The following IFNAR1 variants were observed in gnomAD, a reference collection of about 807,000 sequenced individuals.
IFNAR1 encodes the protein interferon alpha and beta receptor subunit 1, also known as interferon alpha/beta receptor 1.
In IFNAR1, 47 loss-of-function variants were observed where a neutral mutation model predicts 62.1. The observed-to-expected ratio is 0.76, with a 90% CI of 0.60 to 0.97. The LOEUF (loss-of-function observed/expected upper bound fraction) is 0.97. IFNAR1 is among the 50% of genes least tolerant of loss of function. The probability of loss-of-function intolerance (pLI) is 0.00; values close to 1 mark genes in which losing one functional copy is unlikely to be tolerated. For synonymous variants in IFNAR1, 219 were observed against 226.9 expected, an observed-to-expected ratio of 0.97 and a Z score of 0.31; for missense variants, 638 against 654.5, an observed-to-expected ratio of 0.97 and a Z score of 0.27.
chr21:33,353,870 T>C (rs2083423500), intron 10 of IFNAR1, 87 bp downstream of exon 10: 2 of 869,240 alleles, frequency 2.3e-6, no homozygotes, highest in South Asian at 3.3e-5. Context: ...GTAGGTTTTC[T>C]TGATATCCAG....
At chr21:33,329,815 A>C (rs2083159088) in intron 1 of IFNAR1, among the ~76,000 whole-genome samples, 1 of 152,228 alleles carries the variant, frequency 6.6e-6, no homozygotes, top group Admixed American at 6.5e-5. Context: ...TTCTGCCCTT[A>C]AGGAACTTGC....
rs369150603 is a variant in IFNAR1 at position 33,349,440 on chromosome 21, A to G, written c.1040A>G (p.His347Arg). 5 of 1,611,142 alleles carry G rather than the reference A, an allele frequency of 3.1e-6. No homozygotes were observed. Among genetic ancestry groups the G allele is most frequent in the African/African-American group, 2.7e-5 (2 of 74,920 alleles). The change falls in exon 8 of 11, where the codon CAT becomes CGT. Residue 347 changes from histidine (H) to arginine (R), a missense_variant. Physicochemically the swap from His to Arg is conservative, Grantham distance 29. Coordinates refer to ENST00000270139, the MANE Select transcript of IFNAR1 (RefSeq NM_000629.3). ...ATTAGATCCCTTAGTGATTCATTCC[A>G]TATCTATATCGGTGCTCCAAAACAG... Reference protein sequence around the residue: ...FNIRSLSDSFHIYIGAPKQSG... With the variant: ...FNIRSLSDSFRIYIGAPKQSG...
At chr21:33,350,600 T>C (rs969623413) in intron 8 of IFNAR1, among the ~76,000 whole-genome samples, 2 of 152,196 alleles carry the variant, frequency 1.3e-5, no homozygotes, top group African/African-American at 4.8e-5. Flanking sequence ...TCAGATAATA[T>C]ACGTGTTTCC....
chr21:33,334,242 A>G (rs2083211378), intron 1 of IFNAR1, among the ~76,000 whole-genome samples: 1 of 152,204 alleles, frequency 6.6e-6, no homozygotes, highest in South Asian at 2.1e-4. Flanking sequence ...TGGGGACTTC[A>G]GCACCCCACT....
At chr21:33,351,276 T>G (rs1018404059) in intron 8 of IFNAR1, among the ~76,000 whole-genome samples, 1 of 152,214 alleles carries the variant, frequency 6.6e-6, no homozygotes, top group Non-Finnish European at 1.5e-5. Context: ...GGAGCCCAAG[T>G]AGATGTGCTG....
Position 33,355,585 on chromosome 21 carries a change from GCAGGAGTTACA to G in IFNAR1, c.*38_*48del. ...ACTGTGTCAAGTATAAGGTTTTTCA[GCAGGAGTTACA>G]CTGGGAGCCTGAGGTCCTCACCTTC... On this transcript the variant is annotated 3_prime_UTR_variant, in exon 11 of 11. Coordinates refer to ENST00000270139, the MANE Select transcript of IFNAR1 (RefSeq NM_000629.3). The G allele has an allele frequency of 8.2e-7, 1 of 1,215,964 alleles. No individual in the cohort carries two copies. Among genetic ancestry groups the G allele is most frequent in the Non-Finnish European group, 1.2e-6 (1 of 863,628 alleles). 75.3% of individuals were successfully genotyped at this position (1,215,964 alleles called of 1,614,324 possible). A position where few individuals can be genotyped will look rare whatever the true frequency, so the allele number is the denominator to read the frequency against.
At chr21:33,355,269 ATTATT>A in intron 10 of IFNAR1, 42 bp from the exon 11 acceptor site, 1 of 941,032 alleles carries the variant, frequency 1.1e-6, no homozygotes, top group Non-Finnish European at 1.6e-6. Context: ...AGGAATTTTT[ATTATT>A]TTAAATAATT....
chr21:33,354,572 TCA>T (rs2083430632), intron 10 of IFNAR1, among the ~76,000 whole-genome samples: 1 of 152,178 alleles, frequency 6.6e-6, no homozygotes, highest in Non-Finnish European at 1.5e-5. Flanking sequence ...ATGACACACA[TCA>T]CAGTTTTTTG....
intron 10 of IFNAR1, among the ~76,000 whole-genome samples, chr21:33,355,077 T>C (rs1241952491): frequency 2.0e-5 from 3 of 152,112 alleles, no homozygotes; most frequent in East Asian, 3.9e-4. Flanking sequence ...ACAGTGTACC[T>C]TTCTTAGGTA....
chr21:33,349,596 G>A (rs2083382145), intron 8 of IFNAR1, 53 bp downstream of exon 8: 1 of 1,317,824 alleles, frequency 7.6e-7, no homozygotes, highest in African/African-American at 1.5e-5. Flanking sequence ...ATTATGATTT[G>A]GGTAAATAAA....
chr21:33,355,550 C>T lies in IFNAR1; in HGVS notation c.*1C>T, dbSNP rs764504109. ...AGAACTACAGCAGGACTTTGTATGACCAGAAATGAACTGTGTCAAGTATAA... is the reference window on the plus strand; with the variant it reads ...AGAACTACAGCAGGACTTTGTATGATCAGAAATGAACTGTGTCAAGTATAA... On this transcript the variant is annotated 3_prime_UTR_variant, in exon 11 of 11. Transcript: ENST00000270139. 1 of 1,521,922 alleles carries T rather than the reference C, an allele frequency of 6.6e-7. No individual in the cohort carries two copies. Among genetic ancestry groups the T allele is most frequent in the Non-Finnish European group, 9.0e-7 (1 of 1,113,768 alleles). 94.3% of individuals were successfully genotyped at this position (1,521,922 alleles called of 1,614,324 possible).
chr21:33,328,200 G>A (rs1012943), intron 1 of IFNAR1, among the ~76,000 whole-genome samples: 114,977 of 152,080 alleles, frequency 0.76, 43,605 homozygotes, highest in African/African-American at 0.8. Context: ...TGTTCTTCCA[G>A]TGTGGCCCAC....
chr21:33,325,198 C>T (rs949603165), intron 1 of IFNAR1, 67 bp downstream of exon 1: 99 of 1,384,090 alleles, frequency 7.2e-5, no homozygotes, highest in African/African-American at 1.6e-4. Flanking sequence ...GCTACGGGGG[C>T]GGCGATGCTG....
At chr21:33,333,976 G>A (rs928043955) in intron 1 of IFNAR1, among the ~76,000 whole-genome samples, 1 of 152,082 alleles carries the variant, frequency 6.6e-6, no homozygotes. Flanking sequence ...AAATTGAAGG[G>A]ATGGAAAAAG....
At chr21:33,344,256 A>C (rs2083323140) in intron 5 of IFNAR1, among the ~76,000 whole-genome samples, 6 of 152,230 alleles carry the variant, frequency 3.9e-5, no homozygotes, top group Admixed American at 2.0e-4. Flanking sequence ...TGAGTTCTGC[A>C]AGTGGGAAGA....
At chr21:33,328,751 T>TA (rs1421865425) in intron 1 of IFNAR1, among the ~76,000 whole-genome samples, 1 of 152,118 alleles carries the variant, frequency 6.6e-6, no homozygotes, top group African/African-American at 2.4e-5. Context: ...ATGTCAGACT[T>TA]AAAGATATAG....
In IFNAR1 at chr21:33,355,310, A is replaced by G; in HGVS notation, c.1441-6A>G. 1 of 1,366,356 alleles carries G rather than the reference A, an allele frequency of 7.3e-7. No homozygotes were observed. The highest frequency in any genetic ancestry group is 1.0e-6 in the Non-Finnish European group (1 of 994,352). The allele number at this position is 1,366,356 out of a possible 1,614,324, so 84.6% of individuals were successfully genotyped here. On this transcript the variant is annotated splice_polypyrimidine_tract_variant and splice_region_variant and intron_variant, in intron 10 of 10. Coordinates refer to ENST00000270139, the MANE Select transcript of IFNAR1 (RefSeq NM_000629.3). The stretch of plus-strand genomic sequence containing the variant: ...GATTTCTACTCTTTCCCTTTTTTTA[A>G]ATTAGTATTTCTCTGAACAGCCATT...
intron 1 of IFNAR1, among the ~76,000 whole-genome samples, chr21:33,327,675 C>T (rs978826774): frequency 2.0e-5 from 3 of 152,124 alleles, no homozygotes; most frequent in African/African-American, 7.2e-5. Context: ...TATCTGAGAC[C>T]GGTCTGAAAT....
In IFNAR1 at chr21:33,355,526, G is replaced by A; in HGVS notation, c.1651G>A (p.Glu551Lys). The A allele has an allele frequency of 6.3e-7, 1 of 1,592,942 alleles. No individual in the cohort carries two copies. Among genetic ancestry groups the A allele is most frequent in the Non-Finnish European group, 8.5e-7 (1 of 1,169,590 alleles). ...EDESESKTSE[E>K]LQQDFV Reference sequence around the variant, plus strand: ...TGAAAGCGAAAGTAAAACAAGTGAAGAACTACAGCAGGACTTTGTATGACC... The same window carrying A: ...TGAAAGCGAAAGTAAAACAAGTGAAAAACTACAGCAGGACTTTGTATGACC... The change falls in exon 11 of 11, where the codon GAA becomes AAA. Residue 551 changes from glutamate to lysine, a missense_variant. Coordinates refer to ENST00000270139, the MANE Select transcript of IFNAR1 (RefSeq NM_000629.3).
Sources: gnomAD v4.1 joint callset for allele counts (sites outside exome capture counted in the v4.1 genomes callset) on GRCh38, gnomAD v4.1.1 for gene constraint, MANE v1.5 for transcripts, NCBI Gene and HGNC (gene_info 2026-07-23, HGNC 2026-07-21) for gene names.